The following TPD52L2 variants were observed in gnomAD, a reference collection of about 807,000 sequenced individuals.
TPD52L2 encodes the protein TPD52 like 2.
In TPD52L2, 19 loss-of-function variants were observed where a neutral mutation model predicts 24.7. The observed-to-expected ratio is 0.77, with a 90% confidence interval of 0.54 to 1.13. The LOEUF (loss-of-function observed/expected upper bound fraction) is 1.13. TPD52L2 is among the 50% of genes most tolerant of loss of function. The pLI, the probability that TPD52L2 is intolerant of heterozygous loss-of-function variation, is 0.00. For missense variants in TPD52L2, 236 were observed against 250.4 expected, an observed-to-expected ratio of 0.94 and a Z score of 0.39; for synonymous variants, 104 against 100.2, an observed-to-expected ratio of 1.04 and a Z score of -0.23.
chr20:63,876,601 C>T lies in TPD52L2; in HGVS notation c.374+726C>T, dbSNP rs1011225103. 4.1e-5 allele frequency: 15 copies of T among 362,836 alleles called. No individual in the cohort carries two copies. In the Admixed American group the frequency reaches 4.4e-4, roughly 11 times the overall value. 22.5% of individuals were successfully genotyped at this position (362,836 alleles called of 1,614,324 possible). A position where few individuals can be genotyped will look rare whatever the true frequency, so the allele number is the denominator to read the frequency against. ...AATAGTCTCTGTGGGATTTTTTCAT[C>T]TGTTATTTAGAAGGAAGCGCTGTAA... is the stretch of plus-strand genomic sequence containing the variant. On this transcript the variant is annotated intron_variant, in intron 4 of 6. Transcript: ENST00000346249.
At chr20:63,873,413 T>C (rs760641714) in intron 2 of TPD52L2, among the ~76,000 whole-genome samples, 1 of 150,654 alleles carries the variant, frequency 6.6e-6, no homozygotes, top group African/African-American at 2.5e-5. Context: ...CACTTGAATC[T>C]GAAAGGCAGA....
At position 63,877,248 on chromosome 20, in the gene TPD52L2, A is replaced by G. The variant is rs2052722813; in HGVS notation, c.374+1373A>G. Reference sequence around the variant, plus strand: ...CACCATGTCAGCCAGGATGGTCTCAATCTCCTGACCTCGTGATCCGCCTGC... The same window carrying G: ...CACCATGTCAGCCAGGATGGTCTCAGTCTCCTGACCTCGTGATCCGCCTGC... On this transcript the variant is annotated intron_variant, in intron 4 of 6. Transcript: ENST00000346249. This position sits in a 1 kb window ranked among gnomAD's most constrained non-coding sequence, Gnocchi z 4.1. 6.2e-6 allele frequency: 2 copies of G among 321,364 alleles called. No homozygotes were observed. The highest frequency in any genetic ancestry group is 4.7e-5 in the African/African-American group (2 of 43,004). 19.9% of individuals were successfully genotyped at this position (321,364 alleles called of 1,614,324 possible).
At chr20:63,886,007 A>G (rs745935696) in intron 5 of TPD52L2, 2 of 1,614,010 alleles carry the variant, frequency 1.2e-6, no homozygotes, top group East Asian at 2.2e-5. Flanking sequence ...TCCTGCTGCC[A>G]CCTTCCAGGG....
intron 4 of TPD52L2, among the ~76,000 whole-genome samples, chr20:63,878,561 T>C (rs554085633): frequency 6.6e-6 from 1 of 152,220 alleles, no homozygotes; most frequent in East Asian, 1.9e-4. Flanking sequence ...AGCCCAACAG[T>C]GTGGCCCCAT....
At chr20:63,886,080 C>G (rs759497118) in intron 5 of TPD52L2, 16 of 1,610,622 alleles carry the variant, frequency 9.9e-6, no homozygotes, top group Non-Finnish European at 9.3e-6. Flanking sequence ...GAAGACTTTT[C>G]TCTGAATTGG....
intron 2 of TPD52L2, among the ~76,000 whole-genome samples, chr20:63,869,950 CAGTG>C (rs1393953846): frequency 1.3e-5 from 2 of 152,016 alleles, no homozygotes; most frequent in Admixed American, 6.6e-5. Context: ...CTGGGCAACA[CAGTG>C]AGACCTTGTC....
chr20:63,887,934 C>G (rs2053194844), intron 5 of TPD52L2: 2 of 430,518 alleles, frequency 4.6e-6, no homozygotes, highest in South Asian at 2.5e-5. Flanking sequence ...GGCACTTGCC[C>G]TGGTGGGCTG....
At chr20:63,882,680 C>T in intron 4 of TPD52L2, 39 bp from the exon 5 acceptor site, 1 of 1,549,796 alleles carries the variant, frequency 6.5e-7, no homozygotes, top group Non-Finnish European at 8.9e-7. Context: ...TGGTGACCCG[C>T]CCATGCTGTC....
At position 63,865,354 on chromosome 20, in the gene TPD52L2, C is replaced by G; in HGVS notation, c.-12C>G. ...ATAGCGCCCGCGACAGCGGTCCGGA[C>G]GCCGCCCGAACATGGACTCCGCCGG... On this transcript the variant is annotated 5_prime_UTR_variant, in exon 1 of 7. Coordinates refer to ENST00000346249, the MANE Select transcript of TPD52L2 (RefSeq NM_003288.4). The G allele has an allele frequency of 6.6e-7, 1 of 1,526,588 alleles. No homozygotes were observed. The highest frequency in any genetic ancestry group is 8.8e-7 in the Non-Finnish European group (1 of 1,142,576). The allele number at this position is 1,526,588 out of a possible 1,614,324, so 94.6% of individuals were successfully genotyped here. A position where few individuals can be genotyped will look rare whatever the true frequency, so the allele number is the denominator to read the frequency against.
intron 2 of TPD52L2, among the ~76,000 whole-genome samples, chr20:63,871,064 A>G (rs2052445383): frequency 6.7e-6 from 1 of 149,748 alleles, no homozygotes. Flanking sequence ...TTTTCTTGAG[A>G]CAGAGTCTTG....
Position 63,869,287 on chromosome 20 carries a change from C to G in TPD52L2, c.20-9C>G. 4 of 1,614,042 alleles carry G rather than the reference C, an allele frequency of 2.5e-6. No individual in the cohort carries two copies. Among genetic ancestry groups the G allele is most frequent in the Non-Finnish European group, 3.4e-6 (4 of 1,179,904 alleles). On this transcript the variant is annotated splice_polypyrimidine_tract_variant and intron_variant, in intron 1 of 6. Coordinates refer to ENST00000346249, the MANE Select transcript of TPD52L2 (RefSeq NM_003288.4). ...TTGACACTTTGTGGCCTCATTTTGT[C>G]TCTGGCAGATATCAACCTGAATTCT...
chr20:63,879,683 C>T (rs1353189338), intron 4 of TPD52L2, among the ~76,000 whole-genome samples: 7 of 136,888 alleles, frequency 5.1e-5, no homozygotes, highest in Admixed American at 7.2e-5. Context: ...GGTGCAGCTT[C>T]CCCATCCCCA....
At chr20:63,867,790 G>GTT (rs764790449) in intron 1 of TPD52L2, among the ~76,000 whole-genome samples, 5 of 134,552 alleles carry the variant, frequency 3.7e-5, no homozygotes, top group Non-Finnish European at 4.8e-5. Context: ...CTTTTCTTTT[G>GTT]TTTTTTTTTT....
At chr20:63,867,575 AAAG>A (rs1011203289) in intron 1 of TPD52L2, among the ~76,000 whole-genome samples, 3 of 151,974 alleles carry the variant, frequency 2.0e-5, no homozygotes, top group African/African-American at 7.2e-5. Flanking sequence ...AAAAAAAAAA[AAAG>A]AGAATCAGTG....
chr20:63,887,349 T>C, intron 5 of TPD52L2: 1 of 682,664 alleles, frequency 1.5e-6, no homozygotes, highest in Non-Finnish European at 2.6e-6. Context: ...CCCAGTGCTA[T>C]GCGCTGGGCA....
chr20:63,886,030 C>T, intron 5 of TPD52L2: 1 of 1,614,172 alleles, frequency 6.2e-7, no homozygotes, highest in Non-Finnish European at 8.5e-7. Context: ...CATCCATTTT[C>T]ACACTCCTTT....
At position 63,869,362 on chromosome 20, in the gene TPD52L2, C is replaced by T. The variant is rs2052377330; in HGVS notation, c.86C>T (p.Thr29Ile). The T allele has an allele frequency of 5.0e-6, 8 of 1,614,140 alleles. No individual in the cohort carries two copies. The highest frequency in any genetic ancestry group is 5.9e-6 in the Non-Finnish European group (7 of 1,180,014). The change falls in exon 2 of 7, where the codon ACA (threonine) becomes ATA (isoleucine). Residue 29 changes from threonine to isoleucine, a missense_variant. Transcript: ENST00000346249. ...TCCATGACGGATGTTCCTGTCGACA[C>T]AGGTGTGGCTGCCCGGACTCCTGCT... ...SDSMTDVPVD[T>I]GVAARTPAVE...
rs1479543800 is a variant in TPD52L2 at position 63,873,679 on chromosome 20, A to G, written c.177A>G (p.Glu59=). 2 of 1,610,326 alleles carry G rather than the reference A, an allele frequency of 1.2e-6. No homozygotes were observed. The highest frequency in any genetic ancestry group is 2.2e-5 in the South Asian group (2 of 90,458). The change falls in exon 3 of 7, where the codon GAA becomes GAG. Residue 59 remains glutamate (E), a synonymous_variant. Coordinates refer to ENST00000346249, the MANE Select transcript of TPD52L2 (RefSeq NM_003288.4). ...TGCATGCTTTGCAGGTGGAAGAGGAAATTGTCACTCTGCGCCAGGTCCTGG... is the reference window on the plus strand; with the variant it reads ...TGCATGCTTTGCAGGTGGAAGAGGAGATTGTCACTCTGCGCCAGGTCCTGG... The part of the protein sequence containing the change: ...LRAELTKVEE[E]IVTLRQVLAA...
intron 5 of TPD52L2, among the ~76,000 whole-genome samples, chr20:63,883,991 C>G (rs1258952735): frequency 2.0e-5 from 3 of 152,174 alleles, no homozygotes; most frequent in Non-Finnish European, 4.4e-5. Flanking sequence ...CCCACCCTGC[C>G]AAGCAGAGGG....
Sources: gnomAD v4.1 joint callset for allele counts (sites outside exome capture counted in the v4.1 genomes callset) on GRCh38, gnomAD v4.1.1 for gene constraint, Gnocchi (gnomAD v3.1) non-coding constraint, MANE v1.5 for transcripts, NCBI Gene and HGNC (gene_info 2026-07-23, HGNC 2026-07-21) for gene names.